The following KCTD14 variants were observed in gnomAD, a reference collection of about 807,000 sequenced individuals.
The protein encoded by KCTD14 is BTB/POZ domain-containing protein KCTD14.
KCTD14 carries 7 observed loss-of-function variants against 5.9 expected under a neutral mutation model. That is an observed-to-expected ratio of 1.19 (90% CI 0.68 to 2.23). KCTD14 has a LOEUF of 2.23. KCTD14 is among the 30% of genes most tolerant of loss of function. The pLI is 0.00. For missense variants in KCTD14, 342 were observed against 332.2 expected, an observed-to-expected ratio of 1.03 and a Z score of -0.23; for synonymous variants, 140 against 133.1, an observed-to-expected ratio of 1.05 and a Z score of -0.36.
At chr11:78,018,530 A>C (rs964173807) in intron 1 of KCTD14, among the ~76,000 whole-genome samples, 4 of 152,106 alleles carry the variant, frequency 2.6e-5, no homozygotes, top group African/African-American at 9.7e-5. Flanking sequence ...AACATGGTGA[A>C]ACCCCATCTC....
upstream of KCTD14, among the ~76,000 whole-genome samples, chr11:78,024,130 A>G (rs1857379544): frequency 6.6e-6 from 1 of 152,126 alleles, no homozygotes. Context: ...CACGCCTGTA[A>G]TCCTAGCACT....
chr11:78,027,936 G>A (rs976336183), upstream of KCTD14, among the ~76,000 whole-genome samples: 5 of 152,044 alleles, frequency 3.3e-5, no homozygotes, highest in African/African-American at 1.2e-4. Flanking sequence ...CTGTTTTGAT[G>A]GTAATACTGG....
chr11:78,032,197 T>G (rs887264616), intron 2 of KCTD14, among the ~76,000 whole-genome samples: 2 of 152,206 alleles, frequency 1.3e-5, no homozygotes, highest in Admixed American at 6.5e-5. Context: ...ACCACTCCAC[T>G]TGATTGGGTC....
chr11:78,041,022 C>A (rs879381277), intron 1 of KCTD14, among the ~76,000 whole-genome samples: 14 of 152,166 alleles, frequency 9.2e-5, no homozygotes, highest in Non-Finnish European at 1.6e-4. Flanking sequence ...AAGGACAAAG[C>A]TAACAGATCT....
chr11:78,034,415 A>G (rs964306204), intron 2 of KCTD14, among the ~76,000 whole-genome samples: 2 of 152,056 alleles, frequency 1.3e-5, no homozygotes, highest in African/African-American at 2.4e-5. Flanking sequence ...GCCTGGAGGA[A>G]AATTACTTTT....
At chr11:78,024,395 A>AT (rs1368683625), upstream of KCTD14, among the ~76,000 whole-genome samples, 80 of 106,540 alleles carry the variant, frequency 7.5e-4, no homozygotes, top group Middle Eastern at 4.4e-3. Flanking sequence ...AAAAAAAAAA[A>AT]AAATATATAT....
chr11:78,019,407 C>A (rs1857255904), intron 1 of KCTD14, among the ~76,000 whole-genome samples: 1 of 152,078 alleles, frequency 6.6e-6, no homozygotes, highest in African/African-American at 2.4e-5. Context: ...CAGCCTTGAA[C>A]TTGGGCTCAA....
upstream of KCTD14, among the ~76,000 whole-genome samples, chr11:78,024,811 G>A (rs1021617876): frequency 2.0e-5 from 3 of 151,594 alleles, no homozygotes; most frequent in Non-Finnish European, 1.5e-5. Context: ...TGGGCGTGGT[G>A]GTGGGCACCT....
At chr11:78,027,126 AT>A (rs1431548515), upstream of KCTD14, among the ~76,000 whole-genome samples, 23 of 152,176 alleles carry the variant, frequency 1.5e-4, no homozygotes, top group African/African-American at 4.6e-4. Context: ...TAATTAAAAT[AT>A]AATAAAAATG....
chr11:78,026,101 A>G (rs1460896963), upstream of KCTD14, among the ~76,000 whole-genome samples: 2 of 152,184 alleles, frequency 1.3e-5, no homozygotes, highest in Non-Finnish European at 2.9e-5. Flanking sequence ...CATGTGCCCA[A>G]GGTGGTCAGG....
intron 1 of KCTD14, among the ~76,000 whole-genome samples, chr11:78,043,554 C>T (rs573249510): frequency 7.2e-5 from 11 of 152,290 alleles, no homozygotes; most frequent in Admixed American, 7.2e-4. Flanking sequence ...AGAGGGAATG[C>T]CAACAGAATC....
intron 1 of KCTD14, among the ~76,000 whole-genome samples, chr11:78,017,551 T>C (rs1857203539): frequency 6.7e-6 from 1 of 149,354 alleles, no homozygotes; most frequent in Non-Finnish European, 1.5e-5. Context: ...TTAAAGCAAC[T>C]CTCCTGCCTC....
At chr11:78,024,397 A>AAT (rs1265061287), upstream of KCTD14, among the ~76,000 whole-genome samples, 22 of 130,956 alleles carry the variant, frequency 1.7e-4, no homozygotes, top group Middle Eastern at 4.0e-3. Flanking sequence ...AAAAAAAAAA[A>AAT]ATATATATAT....
At chr11:78,037,805 G>A (rs1857856991) in intron 2 of KCTD14, among the ~76,000 whole-genome samples, 1 of 151,962 alleles carries the variant, frequency 6.6e-6, no homozygotes, top group African/African-American at 2.4e-5. Context: ...GTCAACAAGA[G>A]TGAGACCCTG....
intron 1 of KCTD14, among the ~76,000 whole-genome samples, chr11:78,045,517 G>A (rs187983118): frequency 6.6e-5 from 10 of 152,258 alleles, no homozygotes; most frequent in African/African-American, 2.4e-4. Context: ...GACCTGGTTG[G>A]TCTTTCATTA....
At chr11:78,038,108 A>C (rs912713852) in intron 2 of KCTD14, among the ~76,000 whole-genome samples, 2 of 151,932 alleles carry the variant, frequency 1.3e-5, no homozygotes, top group Non-Finnish European at 2.9e-5. Flanking sequence ...TTCCCCAAAC[A>C]TATCCAGAGG....
chr11:78,016,506 T>G lies in KCTD14; in HGVS notation c.*87A>C. ...ACCAACCCTGGAAATTGCCTGATGTTTGTGAAATTAAAAGAAAATGGCTTT... is the reference window on the plus strand; with the variant it reads ...ACCAACCCTGGAAATTGCCTGATGTGTGTGAAATTAAAAGAAAATGGCTTT... On this transcript the variant is annotated 3_prime_UTR_variant, in exon 2 of 2. Transcript: ENST00000353172. 1.7e-6 allele frequency: 2 copies of G among 1,199,270 alleles called. No homozygotes were observed. Among genetic ancestry groups the G allele is most frequent in the Non-Finnish European group, 2.3e-6 (2 of 851,520 alleles). 74.3% of individuals were successfully genotyped at this position (1,199,270 alleles called of 1,614,324 possible). A position where few individuals can be genotyped will look rare whatever the true frequency, so the allele number is the denominator to read the frequency against.
chr11:78,043,073 CT>C (rs1445324243), intron 1 of KCTD14, among the ~76,000 whole-genome samples: 1 of 152,170 alleles, frequency 6.6e-6, no homozygotes, highest in Non-Finnish European at 1.5e-5. Flanking sequence ...TCCCAAAGTG[CT>C]GGGATTACAA....
intron 1 of KCTD14, among the ~76,000 whole-genome samples, chr11:78,018,109 A>G (rs1486155959): frequency 6.6e-6 from 1 of 152,106 alleles, no homozygotes; most frequent in Non-Finnish European, 1.5e-5. Context: ...AAAACCAACA[A>G]TAACAACAAC....
Sources: allele counts gnomAD v4.1 joint callset (sites outside exome capture counted in the v4.1 genomes callset), GRCh38; gene constraint gnomAD v4.1.1; transcripts MANE v1.5; gene names NCBI Gene and HGNC (gene_info 2026-07-23, HGNC 2026-07-21).